The following PVT1 variants were observed in gnomAD, a reference collection of about 807,000 sequenced individuals.
The protein encoded by PVT1 is Pvt1 oncogene.
chr8:127,947,887 G>A (rs955596146), intron 3 of PVT1: 5 of 456,568 alleles, frequency 1.1e-5, no homozygotes, highest in Non-Finnish European at 1.8e-5. Context: ...GTACAAATTA[G>A]GCAGACAGAC....
At chr8:127,860,911 T>C (rs1035560952) in intron 2 of PVT1, among the ~76,000 whole-genome samples, 1 of 152,156 alleles carries the variant, frequency 6.6e-6, no homozygotes, top group Non-Finnish European at 1.5e-5. Context: ...GAAGAGTGTC[T>C]TTCACATTGA....
intron 3 of PVT1, among the ~76,000 whole-genome samples, chr8:127,955,708 G>C (rs1480084292): frequency 1.3e-5 from 2 of 151,596 alleles, no homozygotes; most frequent in African/African-American, 2.4e-5. Flanking sequence ...TCAGCCTCCC[G>C]AGTAGCTGGG....
intron 3 of PVT1, among the ~76,000 whole-genome samples, chr8:127,973,248 C>T (rs1030987590): frequency 1.3e-5 from 2 of 152,092 alleles, no homozygotes; most frequent in African/African-American, 4.8e-5. Context: ...CATGTGTGCA[C>T]ACCTGGTACC....
chr8:128,008,851 A>G, intron 4 of PVT1: 1 of 477,366 alleles, frequency 2.1e-6, no homozygotes, highest in South Asian at 1.5e-5. Context: ...AGCCAGGTCC[A>G]TCTAGGAACT....
At chr8:128,003,360 T>C (rs937565277) in intron 4 of PVT1, among the ~76,000 whole-genome samples, 2 of 149,710 alleles carry the variant, frequency 1.3e-5, no homozygotes, top group African/African-American at 4.9e-5. Context: ...TCCTTCTCCT[T>C]CTCCTTTTTC....
chr8:127,891,840 C>T (rs954243000), intron 3 of PVT1, among the ~76,000 whole-genome samples: 5 of 152,194 alleles, frequency 3.3e-5, no homozygotes, highest in Non-Finnish European at 5.9e-5. Context: ...AAGTCAGTGG[C>T]AGATGAGGAA....
intron 5 of PVT1, among the ~76,000 whole-genome samples, chr8:128,077,330 A>G (rs1275186534): frequency 6.6e-6 from 1 of 152,180 alleles, no homozygotes. Flanking sequence ...AAAGGAGACC[A>G]AAGCTCAGTG....
At chr8:127,885,387 C>T (rs1335194106) in intron 2 of PVT1, among the ~76,000 whole-genome samples, 1 of 152,190 alleles carries the variant, frequency 6.6e-6, no homozygotes, top group African/African-American at 2.4e-5. Flanking sequence ...AGCTTGTAAA[C>T]AACAGAACTT....
chr8:127,936,576 C>T (rs764948928), intron 3 of PVT1, among the ~76,000 whole-genome samples: 3 of 152,190 alleles, frequency 2.0e-5, no homozygotes, highest in Non-Finnish European at 2.9e-5. Context: ...TGCATCCTAC[C>T]GCTCCACTCC....
intron 3 of PVT1, among the ~76,000 whole-genome samples, chr8:127,905,048 C>T (rs1464518965): frequency 6.6e-6 from 1 of 152,210 alleles, no homozygotes; most frequent in Non-Finnish European, 1.5e-5. Context: ...GGTCTATCTG[C>T]TGATAAGTCC....
chr8:127,896,853 C>G (rs1219181806), intron 3 of PVT1, among the ~76,000 whole-genome samples: 3 of 147,796 alleles, frequency 2.0e-5, no homozygotes, highest in African/African-American at 7.4e-5. Flanking sequence ...TCTTCATCTG[C>G]AAACCATAAC....
chr8:127,976,890 A>G (rs994285875), intron 3 of PVT1, among the ~76,000 whole-genome samples: 1 of 152,088 alleles, frequency 6.6e-6, no homozygotes, highest in Non-Finnish European at 1.5e-5. Context: ...AACCTGACAC[A>G]CAGCATCCCA....
At chr8:127,931,344 G>A (rs1563642706) in intron 3 of PVT1, among the ~76,000 whole-genome samples, 2 of 152,166 alleles carry the variant, frequency 1.3e-5, no homozygotes, top group African/African-American at 4.8e-5. Flanking sequence ...CAAACCCAGT[G>A]CAGACTCTGC....
intron 3 of PVT1, among the ~76,000 whole-genome samples, chr8:127,905,015 G>A (rs1249494853): frequency 6.6e-6 from 1 of 152,194 alleles, no homozygotes; most frequent in African/African-American, 2.4e-5. Flanking sequence ...TCCAGGCTGT[G>A]TTTTGTGTGT....
intron 2 of PVT1, among the ~76,000 whole-genome samples, chr8:127,802,103 T>C (rs921713446): frequency 6.6e-6 from 1 of 151,968 alleles, no homozygotes; most frequent in Non-Finnish European, 1.5e-5. Context: ...TTAGTAGATA[T>C]GGGGTTTCAC....
At chr8:127,956,548 G>A (rs1485214095) in intron 3 of PVT1, among the ~76,000 whole-genome samples, 11 of 152,222 alleles carry the variant, frequency 7.2e-5, no homozygotes, top group African/African-American at 2.7e-4. Context: ...GCAGTGGCGT[G>A]ATCTCGGCTC....
At chr8:128,026,858 G>A (rs1422478715) in intron 4 of PVT1, among the ~76,000 whole-genome samples, 3 of 152,272 alleles carry the variant, frequency 2.0e-5, no homozygotes, top group Non-Finnish European at 2.9e-5. Context: ...CGCTCTCTGG[G>A]GAACGTGACC....
intron 2 of PVT1, among the ~76,000 whole-genome samples, chr8:127,880,517 C>G (rs1160768807): frequency 6.7e-6 from 1 of 150,054 alleles, no homozygotes; most frequent in Admixed American, 6.7e-5. Flanking sequence ...AGGATGGTCT[C>G]GATCTCCTGA....
At chr8:128,002,079 C>G (rs1461803083) in intron 4 of PVT1, among the ~76,000 whole-genome samples, 1 of 152,214 alleles carries the variant, frequency 6.6e-6, no homozygotes, top group African/African-American at 2.4e-5. Flanking sequence ...CTTTCTGTCC[C>G]TCTGATGCCA....
Sources: gnomAD v4.1 joint callset for allele counts (sites outside exome capture counted in the v4.1 genomes callset) on GRCh38, gnomAD v4.1.1 for gene constraint, MANE v1.5 for transcripts, NCBI Gene and HGNC (gene_info 2026-07-23, HGNC 2026-07-21) for gene names.